The following DMBT1 variants were observed in gnomAD, a reference collection of about 807,000 sequenced individuals.
DMBT1 encodes the protein scavenger receptor cysteine-rich domain-containing protein DMBT1.
Under a neutral mutation model 252.9 loss-of-function variants are expected in DMBT1, and 198 were observed. The ratio of observed to expected loss-of-function variants is 0.78; its 90% CI spans 0.70 to 0.88. The LOEUF is 0.88. DMBT1 is among the 40% of genes least tolerant of loss of function. The probability of loss-of-function intolerance (pLI) is 0.00; values close to 1 mark genes in which losing one functional copy is unlikely to be tolerated. For synonymous variants in DMBT1, 990 were observed against 942.7 expected, an observed-to-expected ratio of 1.05 and a Z score of -0.92; for missense variants, 2,432 against 2,404.7, an observed-to-expected ratio of 1.01 and a Z score of -0.24.
intron 52 of DMBT1, among the ~76,000 whole-genome samples, chr10:122,634,566 G>A (rs79664829): frequency 2.7e-5 from 4 of 149,632 alleles, no homozygotes; most frequent in Non-Finnish European, 4.4e-5. Context: ...GCACGGTCTC[G>A]GCTCACTGCA....
chr10:122,620,556 C>T (rs1258818825), intron 43 of DMBT1, among the ~76,000 whole-genome samples: 1 of 152,178 alleles, frequency 6.6e-6, no homozygotes, highest in Non-Finnish European at 1.5e-5. Flanking sequence ...CCCTGGAGGG[C>T]TCCCTAATCC....
At chr10:122,640,881 C>A (rs1265412237) in intron 55 of DMBT1, among the ~76,000 whole-genome samples, 2 of 152,188 alleles carry the variant, frequency 1.3e-5, no homozygotes, top group Non-Finnish European at 2.9e-5. Context: ...CTGCCACGTG[C>A]CAGTTGCATG....
At chr10:122,596,933 T>A in intron 23 of DMBT1, 92 bp from the exon 24 acceptor site, 1 of 346,108 alleles carries the variant, frequency 2.9e-6, no homozygotes. Context: ...TAGGGTGGAC[T>A]GAAGGCATGA....
At chr10:122,589,407 A>C in intron 17 of DMBT1, 140 bp downstream of exon 17, 1 of 1,383,206 alleles carries the variant, frequency 7.2e-7, no homozygotes. Context: ...CTTCTAGGAA[A>C]CTGCATGAGT....
intron 1 of DMBT1, 78 bp downstream of exon 1, chr10:122,560,909 A>T: frequency 1.8e-6 from 2 of 1,119,952 alleles, no homozygotes; most frequent in South Asian, 1.5e-5. Context: ...ACTACTTTCC[A>T]TTACAAGGGA....
rs1295050747 is a variant in DMBT1, at chr10:122,631,088, G to A, written c.6153G>A (p.Val2051=). 1 of 1,613,992 alleles carries A rather than the reference G, an allele frequency of 6.2e-7. No individual in the cohort carries two copies. The highest frequency in any genetic ancestry group is 1.7e-5 in the Admixed American group (1 of 60,026). ...DDSWTIQEAE[V]VCRQLGCGRA... ...CCTGGACCATTCAGGAAGCTGAGGT[G>A]GTCTGCAGACAGCTAGGGTGTGGAC... Residue 2051 remains valine, a synonymous_variant, in exon 49 of 56, where the codon GTG becomes GTA. Coordinates refer to ENST00000338354, the MANE Select transcript of DMBT1 (RefSeq NM_001377530.1).
chr10:122,617,570 T>A (rs1404478770), intron 40 of DMBT1, among the ~76,000 whole-genome samples: 2 of 151,646 alleles, frequency 1.3e-5, no homozygotes, highest in Non-Finnish European at 2.9e-5. Flanking sequence ...GACCACGCAC[T>A]GCAGACCTGC....
chr10:122,598,957 G>T lies in DMBT1; in HGVS notation c.3140G>T (p.Arg1047Leu), dbSNP rs200353568. 1.2e-6 allele frequency: 2 copies of T among 1,613,650 alleles called. No homozygotes were observed. Among genetic ancestry groups the T allele is most frequent in the Non-Finnish European group, 1.7e-6 (2 of 1,179,730 alleles). ...GCCATGTCAGCCCCAGGAAATGCCC[G>T]GTTTGGTCAGGGCTCAGGACCCATT... Reference protein sequence around the residue: ...GWAMSAPGNARFGQGSGPIVL... With the variant: ...GWAMSAPGNALFGQGSGPIVL... The change falls in exon 26 of 56, where the codon CGG becomes CTG. Residue 1047 changes from arginine (R) to leucine (L), a missense_variant. By Grantham distance (102) the Arg-to-Leu change is moderately radical. Around this residue, in one of 3 missense-constraint regions of DMBT1, gnomAD observed 1,264 missense variants for 1,082.2 expected, o/e 1.17. Transcript: ENST00000338354.
rs564830288 is a variant in DMBT1, at chr10:122,640,769, G to C, written c.7352+320G>C. ...ACTCAGCAGGTTAGCTGTAAACCGT[G>C]ATCAGACTCTAGGTGACTGAACTCC... On this transcript the variant is annotated intron_variant, in intron 55 of 55. Coordinates refer to ENST00000338354, the MANE Select transcript of DMBT1 (RefSeq NM_001377530.1). Among the ~76,000 whole-genome samples, 6 of 152,296 alleles carry C rather than the reference G, an allele frequency of 3.9e-5. No individual in the cohort carries two copies. The South Asian group carries it at 1.2e-3, about 32-fold the overall frequency.
intron 2 of DMBT1, among the ~76,000 whole-genome samples, chr10:122,567,166 GA>G (rs762433534): frequency 6.6e-6 from 1 of 152,232 alleles, no homozygotes; most frequent in Non-Finnish European, 1.5e-5. Context: ...AATGGCCTGG[GA>G]AAGGCAGATT....
intron 2 of DMBT1, among the ~76,000 whole-genome samples, chr10:122,567,653 A>G (rs2981773): frequency 0.67 from 101,771 of 151,870 alleles, 34,451 homozygotes; most frequent in East Asian, 0.77. Flanking sequence ...CAGGACCTGT[A>G]CCTATTTTCC....
Position 122,570,932 on chromosome 10 carries a change from C to A in DMBT1, c.182C>A (p.Ala61Glu). 2 of 1,613,180 alleles carry A rather than the reference C, an allele frequency of 1.2e-6. No individual in the cohort carries two copies. The highest frequency in any genetic ancestry group is 1.7e-6 in the Non-Finnish European group (2 of 1,179,164). ...GAGTCGACCCTGGAGTCAACTGTAG[C>A]AGAAGGTAACGTCTACTATGGGGGA... ...PSESTLESTV[A>E]EGSPISLEST... Residue 61 changes from alanine to glutamate, a missense_variant, in exon 4 of 56, where the codon GCA (alanine) becomes GAA (glutamate). Physicochemically the swap from Ala to Glu is moderately radical, Grantham distance 107 (BLOSUM62 -1). This residue lies in a region of DMBT1 where 1,264 missense variants were observed against 1,082.2 expected (regional missense o/e 1.17). Transcript: ENST00000338354.
intron 6 of DMBT1, among the ~76,000 whole-genome samples, chr10:122,576,185 G>A (rs2097710289): frequency 6.6e-6 from 1 of 152,152 alleles, no homozygotes; most frequent in Admixed American, 6.5e-5. Context: ...CTTTTATTCT[G>A]CTCCAGCTGA....
Position 122,586,293 on chromosome 10 carries a change from G to A in DMBT1, c.1693G>A (p.Gly565Arg). The stretch of plus-strand genomic sequence containing the variant: ...TGTCCTGGATGACGTGCGCTGCTCA[G>A]GGAATGAGTCCTACTTGTGGAGCTG... Reference protein sequence around the residue: ...PIVLDDVRCSGNESYLWSCPH... With the variant: ...PIVLDDVRCSRNESYLWSCPH... Residue 565 changes from glycine to arginine, a missense_variant, in exon 16 of 56, where the codon GGG becomes AGG. Coordinates refer to ENST00000338354, the MANE Select transcript of DMBT1 (RefSeq NM_001377530.1). 6.3e-7 allele frequency: 1 copy of A among 1,588,682 alleles called. No individual in the cohort carries two copies. The highest frequency in any genetic ancestry group is 8.6e-7 in the Non-Finnish European group (1 of 1,165,866).
intron 10 of DMBT1, among the ~76,000 whole-genome samples, chr10:122,580,159 T>C (rs972989093): frequency 1.3e-5 from 2 of 151,994 alleles, no homozygotes; most frequent in African/African-American, 4.8e-5. Flanking sequence ...AAGAGAAAAG[T>C]GCCGGCTCCC....
rs758484778 is a variant in DMBT1, at chr10:122,640,219, C to A, written c.7122C>A (p.Val2374=). Residue 2374 remains valine, a synonymous_variant, in exon 55 of 56, where the codon GTC becomes GTA. Coordinates refer to ENST00000338354, the MANE Select transcript of DMBT1 (RefSeq NM_001377530.1). The part of the protein sequence containing the change: ...TIHVANNTIQ[V]EEVQYGNFDV... Reference sequence around the variant, plus strand: ...ACGTTGCTAATAACACCATCCAGGTCGAGGAAGTCCAGTATGGCAATTTTG... The same window carrying A: ...ACGTTGCTAATAACACCATCCAGGTAGAGGAAGTCCAGTATGGCAATTTTG... 15 of 1,613,932 alleles carry A rather than the reference C, an allele frequency of 9.3e-6. No individual in the cohort carries two copies. Among genetic ancestry groups the A allele is most frequent in the Non-Finnish European group, 1.3e-5 (15 of 1,179,916 alleles).
intron 6 of DMBT1, among the ~76,000 whole-genome samples, chr10:122,576,148 C>T (rs1289675454): frequency 6.6e-6 from 1 of 152,140 alleles, no homozygotes; most frequent in African/African-American, 2.4e-5. Flanking sequence ...TCTCTAGGTC[C>T]CCTCCAGGAT....
chr10:122,617,964 G>T lies in DMBT1; in HGVS notation c.4892-53G>T. On this transcript the variant is annotated intron_variant, in intron 40 of 55. Coordinates refer to ENST00000338354, the MANE Select transcript of DMBT1 (RefSeq NM_001377530.1). ...TACCCTGAGTGTGGAACTTGCCTTAGATTGTTGACCTCCTGGTGGGGATGG... is the reference window on the plus strand; with the variant it reads ...TACCCTGAGTGTGGAACTTGCCTTATATTGTTGACCTCCTGGTGGGGATGG... 1.2e-6 allele frequency: 2 copies of T among 1,605,402 alleles called. 1 individual carries two copies. Among genetic ancestry groups the T allele is most frequent in the Non-Finnish European group, 1.7e-6 (2 of 1,177,608 alleles).
chr10:122,599,606 C>G (rs892346607), intron 26 of DMBT1, among the ~76,000 whole-genome samples: 2 of 152,174 alleles, frequency 1.3e-5, no homozygotes, highest in Non-Finnish European at 2.9e-5. Flanking sequence ...GGTTGGAGTC[C>G]TTGACCTCAG....
Sources: gnomAD v4.1 joint callset for allele counts (sites outside exome capture counted in the v4.1 genomes callset) on GRCh38, gnomAD v4.1.1 for gene constraint, gnomAD v4.1.1 regional missense constraint, MANE v1.5 for transcripts, NCBI Gene and HGNC (gene_info 2026-07-23, HGNC 2026-07-21) for gene names.